Variants in FRK observed in about 807,000 individuals in gnomAD.
FRK encodes tyrosine-protein kinase FRK.
FRK carries 51 observed loss-of-function variants against 56.4 expected under a neutral mutation model. The observed-to-expected ratio is 0.90, with a 90% confidence interval of 0.72 to 1.14. The LOEUF is 1.14. FRK is among the 50% of genes most tolerant of loss of function. FRK has a pLI of 0.00. For synonymous variants in FRK, 245 were observed against 217.9 expected (o/e 1.12, Z -1.10); for missense variants, 570 against 601.4 (o/e 0.95, Z 0.55).
intron 1 of FRK, among the ~76,000 whole-genome samples, chr6:116,016,772 C>T (rs368836912): frequency 3.8e-4 from 58 of 152,164 alleles, no homozygotes; most frequent in African/African-American, 1.4e-3. Context: ...GCCCTGTATA[C>T]CCAGATACTC....
At chr6:115,967,179 T>C (rs1773613362) in intron 4 of FRK, among the ~76,000 whole-genome samples, 1 of 152,318 alleles carries the variant, frequency 6.6e-6, no homozygotes, top group African/African-American at 2.4e-5. Context: ...TTAAAAATAG[T>C]TGTTCCCTGA....
chr6:116,055,572 T>TATGCC (rs1172093773), intron 1 of FRK, among the ~76,000 whole-genome samples: 1 of 152,224 alleles, frequency 6.6e-6, no homozygotes, highest in Admixed American at 6.5e-5. Flanking sequence ...CCCACAAAGG[T>TATGCC]ATGCCATGCT....
chr6:116,044,636 G>A (rs564204741), intron 1 of FRK, among the ~76,000 whole-genome samples: 57 of 152,236 alleles, frequency 3.7e-4, no homozygotes, highest in African/African-American at 1.2e-3. Context: ...CATACTGAAC[G>A]GGCAAAAGCT....
At chr6:116,020,783 A>G (rs926679100) in intron 1 of FRK, among the ~76,000 whole-genome samples, 3 of 152,200 alleles carry the variant, frequency 2.0e-5, no homozygotes, top group African/African-American at 4.8e-5. Context: ...TGTGCTTATA[A>G]TAGGCATTTT....
In FRK at chr6:115,941,541, G is replaced by C. The variant is rs1446240086; in HGVS notation, c.*873C>G. On this transcript the variant is annotated 3_prime_UTR_variant, in exon 8 of 8. Coordinates refer to ENST00000606080, the MANE Select transcript of FRK (RefSeq NM_002031.3). ...ATAAAACTCTGATCTGTAGGCCAAA[G>C]GGTACTTCTTTTTCTTTATTAATTA... 6.6e-6 allele frequency: 1 copy of C among 152,036 alleles called. No homozygotes were observed. Among genetic ancestry groups the C allele is most frequent in the African/African-American group, 2.4e-5 (1 of 41,400 alleles). 9.4% of individuals were successfully genotyped at this position (152,036 alleles called of 1,614,324 possible). A position where few individuals can be genotyped will look rare whatever the true frequency, so the allele number is the denominator to read the frequency against.
intron 1 of FRK, among the ~76,000 whole-genome samples, chr6:116,016,811 C>T (rs1403463958): frequency 6.6e-6 from 1 of 151,950 alleles, no homozygotes; most frequent in Non-Finnish European, 1.5e-5. Flanking sequence ...GAATAATTAC[C>T]AATAATAACA....
the FRK span, among the ~76,000 whole-genome samples, chr6:116,075,326 T>C: frequency 3.3e-5 from 5 of 152,108 alleles, no homozygotes; most frequent in Non-Finnish European, 5.9e-5. Context: ...ATCTACACCA[T>C]ATGGATCATT....
Position 115,968,747 on chromosome 6 carries a change from C to A in FRK, c.467-8G>T, listed in dbSNP as rs779844473. 1.6e-5 allele frequency: 25 copies of A among 1,606,832 alleles called. No individual in the cohort carries two copies. The highest frequency in any genetic ancestry group is 6.8e-5 in the Admixed American group (4 of 59,172). On this transcript the variant is annotated splice_region_variant and splice_polypyrimidine_tract_variant and intron_variant, in intron 2 of 7. Transcript: ENST00000606080. ...CAACTGCTCCATCTAAAACTGGAAC[C>A]CAAAATAATTCCTGTTAATAAACTT...
chr6:115,950,220 G>T (rs1465772915), intron 5 of FRK, among the ~76,000 whole-genome samples: 1 of 152,126 alleles, frequency 6.6e-6, no homozygotes, highest in Non-Finnish European at 1.5e-5. Flanking sequence ...CACAGCAAAA[G>T]AAACCATCAT....
chr6:116,088,194 C>G, the FRK span, among the ~76,000 whole-genome samples: 4 of 152,180 alleles, frequency 2.6e-5, no homozygotes, highest in Non-Finnish European at 5.9e-5. Context: ...ACTGTTTATT[C>G]CTGGGATCAT....
chr6:116,022,914 T>C (rs774854923), intron 1 of FRK, among the ~76,000 whole-genome samples: 8 of 152,042 alleles, frequency 5.3e-5, no homozygotes, highest in Non-Finnish European at 8.8e-5. Flanking sequence ...AACTGAAGAG[T>C]AACCCATACT....
At chr6:115,974,876 A>T (rs1023036533) in intron 2 of FRK, among the ~76,000 whole-genome samples, 1 of 152,014 alleles carries the variant, frequency 6.6e-6, no homozygotes, top group East Asian at 1.9e-4. Context: ...CCTTTCTATC[A>T]CATAAACCTG....
chr6:116,010,955 TC>T (rs1775443181), intron 1 of FRK, among the ~76,000 whole-genome samples: 1 of 152,164 alleles, frequency 6.6e-6, no homozygotes, highest in African/African-American at 2.4e-5. Flanking sequence ...GACTCTTCTG[TC>T]CTGCCTGCTG....
chr6:116,090,783 T>C, the FRK span, among the ~76,000 whole-genome samples: 12 of 152,180 alleles, frequency 7.9e-5, no homozygotes, highest in Admixed American at 7.9e-4. Context: ...AGAGGTATTA[T>C]AAAGTGACAG....
intron 1 of FRK, among the ~76,000 whole-genome samples, chr6:116,008,133 T>A (rs1775321860): frequency 6.6e-6 from 1 of 152,194 alleles, no homozygotes; most frequent in Admixed American, 6.5e-5. Flanking sequence ...TACATTTGTA[T>A]TTTGGCTAAT....
chr6:116,073,796 C>G, the FRK span, among the ~76,000 whole-genome samples: 650 of 152,234 alleles, frequency 4.3e-3, 7 homozygotes, highest in African/African-American at 0.015. Flanking sequence ...AAAGAGATAG[C>G]AAAGAATTAT....
At chr6:115,943,905 G>A (rs1398646287) in intron 6 of FRK, among the ~76,000 whole-genome samples, 2 of 152,128 alleles carry the variant, frequency 1.3e-5, no homozygotes, top group East Asian at 3.8e-4. Flanking sequence ...GAGTAATAGT[G>A]GTTTAGGTTA....
intron 1 of FRK, among the ~76,000 whole-genome samples, chr6:116,009,481 G>T (rs1775384344): frequency 6.6e-6 from 1 of 152,212 alleles, no homozygotes; most frequent in Admixed American, 6.5e-5. Flanking sequence ...AGGCAGCTGA[G>T]AATGTTTGAG....
Position 116,038,969 on chromosome 6 carries a change from G to A in FRK, c.344+20999C>T, listed in dbSNP as rs963161933. The A allele has an allele frequency of 7.2e-6, 5 of 696,770 alleles. No individual in the cohort carries two copies. The African/African-American group carries it at 8.8e-5, about 12-fold the overall frequency. 43.2% of individuals were successfully genotyped at this position (696,770 alleles called of 1,614,324 possible). Reference sequence around the variant, plus strand: ...AGAACTGCTACAAAGTAACTAACGGGGCCTTTACTTGGGAGATCAGCCCTG... The same window carrying A: ...AGAACTGCTACAAAGTAACTAACGGAGCCTTTACTTGGGAGATCAGCCCTG... On this transcript the variant is annotated intron_variant, in intron 1 of 7. Transcript: ENST00000606080.
Sources: gnomAD v4.1 joint callset for allele counts (sites outside exome capture counted in the v4.1 genomes callset) on GRCh38, gnomAD v4.1.1 for gene constraint, MANE v1.5 for transcripts, NCBI Gene and HGNC (gene_info 2026-07-23, HGNC 2026-07-21) for gene names.